DOCK1: variants seen among roughly 807,000 people sequenced by gnomAD.
DOCK1 encodes the protein dedicator of cytokinesis 1, also known as dedicator of cytokinesis protein 1.
In DOCK1, 138 loss-of-function variants were observed where a neutral mutation model predicts 262.7. The observed-to-expected ratio is 0.53, with a 90% confidence interval of 0.46 to 0.61. The LOEUF is 0.61. DOCK1 is among the 20% of genes least tolerant of loss of function. The probability of loss-of-function intolerance (pLI) is 0.00; values close to 1 mark genes in which losing one functional copy is unlikely to be tolerated. For synonymous variants in DOCK1, 866 were observed against 867.4 expected (o/e 1.00, Z 0.03); for missense variants, 1,908 against 2,370.7 (o/e 0.80, Z 4.05).
chr10:127,077,016 G>A (rs1463432245), intron 23 of DOCK1, among the ~76,000 whole-genome samples: 4 of 152,296 alleles, frequency 2.6e-5, no homozygotes, highest in Non-Finnish European at 5.9e-5. Context: ...TGCCCTGTGC[G>A]AATGGCAAGG....
intron 27 of DOCK1, among the ~76,000 whole-genome samples, chr10:127,160,658 T>A (rs2053522004): frequency 6.6e-6 from 1 of 152,236 alleles, no homozygotes; most frequent in Admixed American, 6.5e-5. Flanking sequence ...ATGGCAATTG[T>A]CACACTGAAT....
At chr10:127,183,350 G>A (rs1015014591) in intron 27 of DOCK1, among the ~76,000 whole-genome samples, 1 of 152,104 alleles carries the variant, frequency 6.6e-6, no homozygotes, top group African/African-American at 2.4e-5. Context: ...CCATCAACTC[G>A]ACCATCAGAA....
chr10:127,188,750 CTT>C (rs1169331964), intron 27 of DOCK1, among the ~76,000 whole-genome samples: 5 of 152,320 alleles, frequency 3.3e-5, no homozygotes, highest in African/African-American at 1.2e-4. Flanking sequence ...AAAGGTAACA[CTT>C]GTGTATAACA....
chr10:127,248,865 C>T (rs2059521766), intron 28 of DOCK1, among the ~76,000 whole-genome samples: 1 of 152,186 alleles, frequency 6.6e-6, no homozygotes, highest in South Asian at 2.1e-4. Context: ...AGCTCTGCCT[C>T]CTGTCATATC....
intron 38 of DOCK1, among the ~76,000 whole-genome samples, chr10:127,394,810 C>G (rs2066721699): frequency 6.6e-6 from 1 of 152,110 alleles, no homozygotes; most frequent in Non-Finnish European, 1.5e-5. Context: ...CCGTGAAATA[C>G]CGAGATGGAG....
intron 1 of DOCK1, among the ~76,000 whole-genome samples, chr10:126,944,000 A>G (rs1234584486): frequency 6.6e-6 from 1 of 151,938 alleles, no homozygotes; most frequent in Non-Finnish European, 1.5e-5. Context: ...GTCCAGAGCT[A>G]TATCAGATTT....
chr10:127,076,425 C>T (rs1470023401), intron 23 of DOCK1, among the ~76,000 whole-genome samples: 9 of 152,126 alleles, frequency 5.9e-5, no homozygotes, highest in East Asian at 1.9e-4. Context: ...CGCTTGAACC[C>T]GGGAGGTAGA....
intron 27 of DOCK1, among the ~76,000 whole-genome samples, chr10:127,174,257 A>G (rs1180053983): frequency 6.6e-6 from 1 of 152,152 alleles, no homozygotes; most frequent in Non-Finnish European, 1.5e-5. Context: ...CTCCGATGTT[A>G]CCTCCAGTAC....
intron 22 of DOCK1, among the ~76,000 whole-genome samples, chr10:127,053,413 T>C (rs1415151647): frequency 2.6e-5 from 4 of 152,196 alleles, no homozygotes; most frequent in Non-Finnish European, 5.9e-5. Flanking sequence ...TTGGGCAGAC[T>C]CTGGGATTTC....
At chr10:126,917,483 T>G (rs1564981106) in intron 1 of DOCK1, among the ~76,000 whole-genome samples, 2 of 152,176 alleles carry the variant, frequency 1.3e-5, no homozygotes, top group African/African-American at 4.8e-5. Flanking sequence ...GTGGCCATCC[T>G]GGCCTCATTC....
At chr10:126,957,145 T>C (rs1258858699) in intron 1 of DOCK1, among the ~76,000 whole-genome samples, 10 of 152,362 alleles carry the variant, frequency 6.6e-5, no homozygotes, top group African/African-American at 2.2e-4. Context: ...GATTGGTTTT[T>C]AATCTTCAAT....
intron 25 of DOCK1, among the ~76,000 whole-genome samples, chr10:127,115,796 G>C (rs564538332): frequency 6.6e-6 from 1 of 152,348 alleles, no homozygotes; most frequent in South Asian, 2.1e-4. Flanking sequence ...CCTGGAACAT[G>C]TTCTCTCACC....
At chr10:127,279,436 G>T (rs1265157006) in intron 29 of DOCK1, among the ~76,000 whole-genome samples, 1 of 152,200 alleles carries the variant, frequency 6.6e-6, no homozygotes, top group Non-Finnish European at 1.5e-5. Context: ...AATCAGCTTT[G>T]CTTGACTCCA....
chr10:126,942,515 A>G (rs1172968601), intron 1 of DOCK1, among the ~76,000 whole-genome samples: 1 of 152,142 alleles, frequency 6.6e-6, no homozygotes, highest in Non-Finnish European at 1.5e-5. Context: ...GTGAAGACCT[A>G]CAAGCGTTAG....
At chr10:127,411,041 TTG>T in intron 43 of DOCK1, 117 bp downstream of exon 43, 1 of 997,268 alleles carries the variant, frequency 1.0e-6, no homozygotes, top group Non-Finnish European at 1.5e-6. Flanking sequence ...TTAAATGTCT[TTG>T]TGTATTATGT....
intron 1 of DOCK1, among the ~76,000 whole-genome samples, chr10:126,956,352 G>A (rs949896231): frequency 6.6e-6 from 1 of 152,182 alleles, no homozygotes. Flanking sequence ...GAGTGACTTC[G>A]TACCTTCTTG....
intron 3 of DOCK1, among the ~76,000 whole-genome samples, chr10:126,981,096 C>G (rs989097913): frequency 6.6e-6 from 1 of 152,002 alleles, no homozygotes; most frequent in African/African-American, 2.4e-5. Context: ...TACAGGTGCC[C>G]GCCACCACAC....
At chr10:127,180,947 T>C (rs534445527) in intron 27 of DOCK1, among the ~76,000 whole-genome samples, 1 of 152,206 alleles carries the variant, frequency 6.6e-6, no homozygotes, top group African/African-American at 2.4e-5. Flanking sequence ...TTGGGGAGAA[T>C]GGAGGGAGGT....
intron 27 of DOCK1, among the ~76,000 whole-genome samples, chr10:127,199,257 T>C (rs2057350165): frequency 6.6e-6 from 1 of 152,124 alleles, no homozygotes. Flanking sequence ...AATATCCACG[T>C]CTCTCTTCTT....
Sources: allele counts gnomAD v4.1 joint callset (sites outside exome capture counted in the v4.1 genomes callset), GRCh38; gene constraint gnomAD v4.1.1; transcripts MANE v1.5; gene names NCBI Gene and HGNC (gene_info 2026-07-23, HGNC 2026-07-21).